The following BCLAF3 variants were observed in gnomAD, a reference collection of about 807,000 sequenced individuals.
The protein encoded by BCLAF3 is BCLAF1 and THRAP3 family member 3.
A neutral mutation model predicts 51.2 loss-of-function variants in BCLAF3; 24 were observed. The observed-to-expected ratio is 0.47, with a 90% confidence interval of 0.34 to 0.66. BCLAF3 has a LOEUF of 0.66. Among genes scored for constraint, BCLAF3 ranks in the 30% least tolerant of loss-of-function variants. The pLI is 0.01. For synonymous variants in BCLAF3, 152 were observed against 176.6 expected, an observed-to-expected ratio of 0.86 and a Z score of 1.10; for missense variants, 465 against 525.1, an observed-to-expected ratio of 0.89 and a Z score of 1.12.
chrX:19,981,922 GT>G (rs201927420), intron 1 of BCLAF3, among the ~76,000 whole-genome samples: 1 of 107,511 alleles, frequency 9.3e-6, no homozygotes, highest in African/African-American at 3.5e-5. Flanking sequence ...CTTTTTGGGG[GT>G]GAAGAAAATG....
At chrX:19,971,489 G>T (rs1381199862) in intron 1 of BCLAF3, among the ~76,000 whole-genome samples, 1 of 112,112 alleles carries the variant, frequency 8.9e-6, no homozygotes, top group Non-Finnish European at 1.9e-5. Flanking sequence ...CTGGTTTTTT[G>T]CTAAAACAAA....
intron 11 of BCLAF3, among the ~76,000 whole-genome samples, chrX:19,920,863 T>G (rs1008024746): frequency 9.1e-6 from 1 of 110,054 alleles, no homozygotes; most frequent in Non-Finnish European, 1.9e-5. Context: ...CCTCAAGAAT[T>G]TGATAATCTA....
intron 8 of BCLAF3, among the ~76,000 whole-genome samples, chrX:19,950,461 C>T (rs1016479033): frequency 3.6e-5 from 4 of 112,272 alleles, no homozygotes; most frequent in Non-Finnish European, 7.5e-5. Flanking sequence ...AGTCTGTAAA[C>T]TTGCTGGTCC....
rs764870119 is a variant in BCLAF3 at position 19,973,599 on chromosome X, CTCGG to C, written c.-34-3305_-34-3302del. ...TCGTCCAGCACATGGATGGCCTTCC[CTCGG>C]TCAGCTTGACAAATCCCTATTCTTT... On this transcript the variant is annotated intron_variant, in intron 1 of 11. Coordinates refer to ENST00000379682, the MANE Select transcript of BCLAF3 (RefSeq NM_001367774.2). 2.8e-4 allele frequency among the ~76,000 whole-genome samples: 31 copies of C among 111,571 alleles called. No homozygotes were observed. In the South Asian group the frequency reaches 9.8e-3, roughly 35 times the overall value.
At chrX:19,972,654 TC>T (rs1055685032) in intron 1 of BCLAF3, among the ~76,000 whole-genome samples, 9 of 111,277 alleles carry the variant, frequency 8.1e-5, no homozygotes, top group African/African-American at 2.9e-4. Flanking sequence ...AATCCCCACT[TC>T]TCCCCTCCCC....
At chrX:19,946,068 C>G (rs1186751299) in intron 8 of BCLAF3, among the ~76,000 whole-genome samples, 26 of 109,708 alleles carry the variant, frequency 2.4e-4, no homozygotes, top group East Asian at 1.2e-3. Flanking sequence ...TTCTTTGACT[C>G]GGAAAGGGAA....
intron 8 of BCLAF3, 38 bp from the exon 9 acceptor site, chrX:19,937,570 G>C (rs1486308866): frequency 2.8e-6 from 2 of 720,002 alleles, no homozygotes; most frequent in Non-Finnish European, 4.1e-6. Flanking sequence ...TATTTTATTA[G>C]TATACCTTTT....
rs1211688988 is a variant in BCLAF3 at position 19,970,245 on chromosome X, C to T, written c.20G>A (p.Arg7Lys). 1 of 1,210,328 alleles carries T rather than the reference C, an allele frequency of 8.3e-7. No homozygotes were observed. The highest frequency in any genetic ancestry group is 1.1e-6 in the Non-Finnish European group (1 of 895,033). The change falls in exon 2 of 12, where the codon AGA (arginine) becomes AAA (lysine). Residue 7 changes from arginine to lysine, a missense_variant. Physicochemically the swap from Arg to Lys is conservative, Grantham distance 26. Coordinates refer to ENST00000379682, the MANE Select transcript of BCLAF3 (RefSeq NM_001367774.2). ...TCACCTGTGTTTCCACCTGGGGGATCTAGATCGTGACCGTGCCATCCTTTG... is the reference window on the plus strand; with the variant it reads ...TCACCTGTGTTTCCACCTGGGGGATTTAGATCGTGACCGTGCCATCCTTTG... MARSRSRSPRWKHRSLS... is the reference protein window; with the variant it reads MARSRSKSPRWKHRSLS...
chrX:19,928,419 C>T (rs1489358643), intron 11 of BCLAF3, among the ~76,000 whole-genome samples: 6 of 108,614 alleles, frequency 5.5e-5, no homozygotes, highest in Non-Finnish European at 1.1e-4. Flanking sequence ...CCCGTCTCTA[C>T]TAAAAATACA....
intron 11 of BCLAF3, among the ~76,000 whole-genome samples, chrX:19,917,601 T>C (rs1183810271): frequency 8.9e-6 from 1 of 112,029 alleles, no homozygotes; most frequent in Non-Finnish European, 1.9e-5. Flanking sequence ...AACAGTCTTC[T>C]GCTATTTGGG....
At chrX:19,955,220 A>G (rs930045827) in intron 5 of BCLAF3, among the ~76,000 whole-genome samples, 171 bp downstream of exon 5, 3 of 112,165 alleles carry the variant, frequency 2.7e-5, no homozygotes, top group Admixed American at 9.5e-5. Context: ...ATAAAGAACA[A>G]CTAGGCTCGA....
At position 19,929,690 on chromosome X, in the gene BCLAF3, A is replaced by C. The variant is rs747587175; in HGVS notation, c.2106+95T>G. Reference sequence around the variant, plus strand: ...CATTTAAAAACCCAGGTTGTTTCTTAAAATTAAATGAGAAACCAATTTATC... The same window carrying C: ...CATTTAAAAACCCAGGTTGTTTCTTCAAATTAAATGAGAAACCAATTTATC... On this transcript the variant is annotated intron_variant, in intron 11 of 11. Coordinates refer to ENST00000379682, the MANE Select transcript of BCLAF3 (RefSeq NM_001367774.2). 28 of 913,208 alleles carry C rather than the reference A, an allele frequency of 3.1e-5. No homozygotes were observed. The African/African-American group carries it at 5.4e-4, about 18-fold the overall frequency. 75.3% of individuals were successfully genotyped at this position (913,208 alleles called of 1,213,427 possible). A position where few individuals can be genotyped will look rare whatever the true frequency, so the allele number is the denominator to read the frequency against.
chrX:19,924,548 G>T (rs1056128918), intron 11 of BCLAF3, among the ~76,000 whole-genome samples: 2 of 110,758 alleles, frequency 1.8e-5, no homozygotes, highest in Non-Finnish European at 3.8e-5. Context: ...CGTACTCCAT[G>T]ACTTTCAAGG....
chrX:19,975,788 T>A (rs2072409939), intron 1 of BCLAF3, among the ~76,000 whole-genome samples: 1 of 112,143 alleles, frequency 8.9e-6, no homozygotes, highest in Admixed American at 9.4e-5. Flanking sequence ...CACACATGGC[T>A]GCCAGGAGCA....
chrX:19,954,082 T>G, intron 5 of BCLAF3, 190 bp from the exon 6 acceptor site: 1 of 753,607 alleles, frequency 1.3e-6, no homozygotes, highest in Non-Finnish European at 1.6e-6. Flanking sequence ...CAAACAAGAG[T>G]AAAAACACCT....
intron 7 of BCLAF3, 134 bp downstream of exon 7, chrX:19,952,854 T>A (rs997816840): frequency 1.9e-5 from 9 of 484,461 alleles, no homozygotes; most frequent in African/African-American, 1.5e-4. Flanking sequence ...AAGACTTTTT[T>A]AATTTCAGAT....
At chrX:19,948,028 G>A (rs1569504867) in intron 8 of BCLAF3, among the ~76,000 whole-genome samples, 1 of 112,272 alleles carries the variant, frequency 8.9e-6, no homozygotes, top group Non-Finnish European at 1.9e-5. Flanking sequence ...ACTGAATTAG[G>A]ATAAAGTGAG....
chrX:19,961,046 C>A (rs1234957532), intron 4 of BCLAF3, among the ~76,000 whole-genome samples: 2 of 111,539 alleles, frequency 1.8e-5, no homozygotes, highest in Non-Finnish European at 3.8e-5. Flanking sequence ...TTAGTACCAC[C>A]TCCTCCCTCC....
intron 10 of BCLAF3, among the ~76,000 whole-genome samples, chrX:19,934,123 C>T (rs998144321): frequency 5.4e-5 from 6 of 111,993 alleles, no homozygotes; most frequent in Non-Finnish European, 1.1e-4. Flanking sequence ...CACTATTTTA[C>T]TACAAAGAAT....
Sources: allele counts gnomAD v4.1 joint callset (sites outside exome capture counted in the v4.1 genomes callset), GRCh38; gene constraint gnomAD v4.1.1; transcripts MANE v1.5; gene names NCBI Gene and HGNC (gene_info 2026-07-23, HGNC 2026-07-21).